Variants in NEAT1 observed in about 807,000 individuals in gnomAD.
NEAT1 encodes nuclear paraspeckle assembly transcript 1.
exon 1 of NEAT1, chr11:65,437,185 A>G (rs1483521281): frequency 2.9e-5 from 4 of 138,258 alleles, no homozygotes; most frequent in African/African-American, 5.8e-5. Flanking sequence ...TCTTTAGTTT[A>G]TATATATATG....
chr11:65,443,117 G>A (rs112898102), exon 1 of NEAT1: 34 of 152,286 alleles, frequency 2.2e-4, no homozygotes, highest in African/African-American at 7.7e-4. Context: ...TCCCCATTTT[G>A]TTGGTCAAAT....
chr11:65,437,224 TATACATATATATATAC>T (rs1387359756), exon 1 of NEAT1: 1 of 143,280 alleles, frequency 7.0e-6, no homozygotes, highest in African/African-American at 2.7e-5. Context: ...TATATATATA[TATACATATATATATAC>T]ATATATATAT....
At chr11:65,426,208 C>T (rs1856560020) in exon 1 of NEAT1, 5 of 152,150 alleles carry the variant, frequency 3.3e-5, no homozygotes, top group Non-Finnish European at 5.9e-5. Flanking sequence ...TTATTTTTAT[C>T]GTTGGGATCT....
exon 1 of NEAT1, chr11:65,427,371 G>A (rs1251181971): frequency 6.6e-6 from 1 of 152,446 alleles, no homozygotes; most frequent in East Asian, 1.9e-4. Flanking sequence ...GATAAGGGCT[G>A]AACTGGGACT....
exon 1 of NEAT1, chr11:65,431,765 G>T (rs1020490654): frequency 6.6e-6 from 1 of 152,162 alleles, no homozygotes; most frequent in Non-Finnish European, 1.5e-5. Flanking sequence ...GGTTATTAGA[G>T]TTATCGTTGT....
exon 1 of NEAT1, chr11:65,444,845 G>A (rs893911809): frequency 8.2e-6 from 2 of 244,720 alleles, no homozygotes; most frequent in African/African-American, 2.3e-5. Flanking sequence ...CACAGCTGAC[G>A]GTGGCTGACA....
exon 1 of NEAT1, chr11:65,426,537 T>G (rs572414507): frequency 6.6e-6 from 1 of 152,246 alleles, no homozygotes; most frequent in Non-Finnish European, 1.5e-5. Context: ...TTAGAATTGT[T>G]GTATTGCTAT....
chr11:65,444,796 G>A (rs901351382), exon 1 of NEAT1: 6 of 261,706 alleles, frequency 2.3e-5, no homozygotes, highest in Non-Finnish European at 3.8e-5. Flanking sequence ...CTGTGCTTCC[G>A]ACTTCATTTC....
chr11:65,439,613 G>A (rs1856695792), exon 1 of NEAT1: 1 of 151,882 alleles, frequency 6.6e-6, no homozygotes. Flanking sequence ...TTGAACCCAG[G>A]AGGAGGAGGT....
exon 1 of NEAT1, chr11:65,423,387 T>G (rs1025942622): frequency 1.3e-5 from 2 of 151,994 alleles, no homozygotes; most frequent in East Asian, 3.9e-4. Flanking sequence ...CAGGGTGGTA[T>G]GTAATTTTCG....
At chr11:65,426,138 A>G (rs1402420735) in exon 1 of NEAT1, 1 of 152,226 alleles carries the variant, frequency 6.6e-6, no homozygotes, top group East Asian at 1.9e-4. Context: ...AGTAATACCA[A>G]TGGCTTTTTA....
chr11:65,435,214 T>G (rs1396341583), exon 1 of NEAT1: 1 of 152,134 alleles, frequency 6.6e-6, no homozygotes, highest in East Asian at 1.9e-4. Context: ...GTGTATGAAT[T>G]TATAAATCAC....
exon 1 of NEAT1, chr11:65,435,734 G>C (rs1856652331): frequency 6.6e-6 from 1 of 152,144 alleles, no homozygotes; most frequent in African/African-American, 2.4e-5. Flanking sequence ...ATGTGCCGTG[G>C]AACTGGGGTA....
chr11:65,438,208 T>A (rs1856682299), exon 1 of NEAT1: 1 of 152,160 alleles, frequency 6.6e-6, no homozygotes, highest in African/African-American at 2.4e-5. Context: ...CCTGGCAGCC[T>A]TTTTCATGTC....
exon 1 of NEAT1, chr11:65,444,212 G>A (rs1240779083): frequency 9.6e-6 from 3 of 314,090 alleles, no homozygotes; most frequent in Non-Finnish European, 1.9e-5. Context: ...ACCCCTTTGA[G>A]AGGTCTGAGG....
exon 1 of NEAT1, chr11:65,436,121 G>A (rs1268919282): frequency 6.6e-6 from 1 of 152,106 alleles, no homozygotes; most frequent in African/African-American, 2.4e-5. Flanking sequence ...GTGTGAGCCC[G>A]GCTCTGGCTC....
chr11:65,443,179 C>T (rs981599670), exon 1 of NEAT1: 6 of 152,268 alleles, frequency 3.9e-5, no homozygotes, highest in Non-Finnish European at 8.8e-5. Context: ...CTCACCGTCA[C>T]TCCTGGGGTC....
chr11:65,431,447 T>TA (rs1390196596), exon 1 of NEAT1: 1 of 152,220 alleles, frequency 6.6e-6, no homozygotes, highest in African/African-American at 2.4e-5. Flanking sequence ...TACTAAATCT[T>TA]ACGATATTTC....
chr11:65,423,380 G>A (rs994405307), exon 1 of NEAT1: 1 of 152,240 alleles, frequency 6.6e-6, no homozygotes, highest in African/African-American at 2.4e-5. Flanking sequence ...TCTGGCCCAG[G>A]GTGGTATGTA....
Sources: gnomAD v4.1 joint callset for allele counts on GRCh38, gnomAD v4.1.1 for gene constraint, MANE v1.5 for transcripts, NCBI Gene and HGNC (gene_info 2026-07-23, HGNC 2026-07-21) for gene names.